ZRANB2: variants seen among roughly 807,000 people sequenced by gnomAD.
ZRANB2 encodes the protein zinc finger Ran-binding domain-containing protein 2.
Under a neutral mutation model 53.4 loss-of-function variants are expected in ZRANB2, and 19 were observed. That is an observed-to-expected ratio of 0.36 (90% CI 0.25 to 0.52). The LOEUF is 0.52. ZRANB2 is among the 20% of genes least tolerant of loss of function. The probability of loss-of-function intolerance (pLI) is 0.93; values close to 1 mark genes in which losing one functional copy is unlikely to be tolerated. For synonymous variants in ZRANB2, 145 were observed against 134.8 expected, an observed-to-expected ratio of 1.08 and a Z score of -0.52; for missense variants, 309 against 401.1, an observed-to-expected ratio of 0.77 and a Z score of 1.96.
chr1:71,075,660 A>C (rs970323472), intron 4 of ZRANB2, among the ~76,000 whole-genome samples: 1 of 152,080 alleles, frequency 6.6e-6, no homozygotes, highest in South Asian at 2.1e-4. Context: ...GACAGAATAA[A>C]CAATCAATCA....
intron 6 of ZRANB2, 47 bp downstream of exon 6, chr1:71,072,074 A>AT (rs1176859020): frequency 9.4e-6 from 15 of 1,587,910 alleles, no homozygotes; most frequent in Non-Finnish European, 1.3e-5. Context: ...ATGTTATGGT[A>AT]TAACTCCAAT....
rs758513530 is a variant in ZRANB2 at position 71,070,951 on chromosome 1, C to T, written c.559G>A (p.Ala187Thr). 6.2e-7 allele frequency: 1 copy of T among 1,608,844 alleles called. No individual in the cohort carries two copies. Among genetic ancestry groups the T allele is most frequent in the Non-Finnish European group, 8.5e-7 (1 of 1,177,848 alleles). The change falls in exon 7 of 10, where the codon GCC (alanine) becomes ACC (threonine). Residue 187 changes from alanine (A) to threonine (T), a missense_variant. Transcript: ENST00000370920. ...DADLSKYNLDASEEEDSNKKK... is the reference protein window; with the variant it reads ...DADLSKYNLDTSEEEDSNKKK... The stretch of plus-strand genomic sequence containing the variant: ...TTATTACTATCTTCTTCTTCACTGG[C>T]ATCAAGATTATATTTTGAGAGATCA...
At chr1:71,071,463 A>C (rs564106106) in intron 6 of ZRANB2, among the ~76,000 whole-genome samples, 1 of 152,266 alleles carries the variant, frequency 6.6e-6, no homozygotes, top group African/African-American at 2.4e-5. Flanking sequence ...TAAAAACTTC[A>C]AAACTGGCTT....
chr1:71,069,300 G>A lies in ZRANB2; in HGVS notation c.746C>T (p.Ser249Leu), dbSNP rs764972671. ...CCTTGATTTCGACCCACGAGATCTC[G>A]AACGTTCTCTGGAACTGGAACGAGA... ...SRSRSSSRER[S>L]RSRGSKSRSS... Residue 249 changes from serine to leucine, a missense_variant, in exon 8 of 10, where the codon TCG becomes TTG. Coordinates refer to ENST00000370920, the MANE Select transcript of ZRANB2 (RefSeq NM_203350.3). 30 of 1,612,058 alleles carry A rather than the reference G, an allele frequency of 1.9e-5. No individual in the cohort carries two copies. Among genetic ancestry groups the A allele is most frequent in the Non-Finnish European group, 2.3e-5 (27 of 1,178,986 alleles).
At chr1:71,070,062 T>C (rs541935165) in intron 7 of ZRANB2, among the ~76,000 whole-genome samples, 1 of 152,262 alleles carries the variant, frequency 6.6e-6, no homozygotes, top group African/African-American at 2.4e-5. Context: ...CTTTCAGGCT[T>C]TGTAGTGCTC....
chr1:71,080,819 G>T, intron 1 of ZRANB2, 121 bp downstream of exon 1: 1 of 1,153,096 alleles, frequency 8.7e-7, no homozygotes, highest in Non-Finnish European at 1.3e-6. Flanking sequence ...GGGAACTGGC[G>T]GTTCGCCGCC....
chr1:71,075,674 G>A (rs1020477749), intron 4 of ZRANB2, among the ~76,000 whole-genome samples: 3 of 151,964 alleles, frequency 2.0e-5, no homozygotes, highest in Admixed American at 6.6e-5. Context: ...TCAATCAAAC[G>A]GGGGTTGGTG....
chr1:71,070,751 A>T (rs562000785), intron 7 of ZRANB2, 76 bp downstream of exon 7: 325 of 965,850 alleles, frequency 3.4e-4, no homozygotes, highest in Middle Eastern at 2.5e-3. Context: ...TTTCGTCAAG[A>T]AAAACAAAAT....
chr1:71,073,952 A>G (rs978999705), intron 4 of ZRANB2, among the ~76,000 whole-genome samples: 3 of 152,142 alleles, frequency 2.0e-5, no homozygotes, highest in Non-Finnish European at 4.4e-5. Flanking sequence ...TACCTGAGAT[A>G]GTGGAATCAA....
Position 71,072,490 on chromosome 1 carries a change from A to C in ZRANB2, c.360T>G (p.Ser120=), listed in dbSNP as rs535513298. ...AGCTTACCTCATCATATTCACCATC[A>C]GATTCTTCTCTTTCTATATATTCAA... ...ENVEYIEREE[S]DGEYDEFGRK... The change falls in exon 5 of 10, where the codon TCT becomes TCG. Residue 120 remains serine, a synonymous_variant. Coordinates refer to ENST00000370920, the MANE Select transcript of ZRANB2 (RefSeq NM_203350.3). 2 of 1,606,104 alleles carry C rather than the reference A, an allele frequency of 1.2e-6. No homozygotes were observed. Among genetic ancestry groups the C allele is most frequent in the Admixed American group, 3.4e-5 (2 of 59,582 alleles).
At chr1:71,076,660 C>A in intron 4 of ZRANB2, 135 bp downstream of exon 4, 1 of 687,358 alleles carries the variant, frequency 1.5e-6, no homozygotes, top group East Asian at 2.9e-5. Flanking sequence ...GAAAAAAATC[C>A]CAGTAACAAA....
rs182754740 is a variant in ZRANB2, at chr1:71,080,714, G to A, written c.56+226C>T. On this transcript the variant is annotated intron_variant, in intron 1 of 9. Coordinates refer to ENST00000370920, the MANE Select transcript of ZRANB2 (RefSeq NM_203350.3). ...ACTCTAAAAAGAGAGGCTACCTTGC[G>A]GAGGTAATGTCGAGGAAACGCTGAA... 1.2e-4 allele frequency among the ~76,000 whole-genome samples: 19 copies of A among 152,202 alleles called. No individual in the cohort carries two copies. The East Asian group carries it at 3.5e-3, about 28-fold the overall frequency.
At chr1:71,068,792 TATTA>T (rs1251510306) in intron 8 of ZRANB2, among the ~76,000 whole-genome samples, 32 of 151,986 alleles carry the variant, frequency 2.1e-4, no homozygotes, top group African/African-American at 7.7e-4. Flanking sequence ...TTTGAACTAC[TATTA>T]ATTTTTTTTT....
At chr1:71,072,435 A>C in intron 5 of ZRANB2, 37 bp downstream of exon 5, 2 of 1,552,680 alleles carry the variant, frequency 1.3e-6, no homozygotes, top group Non-Finnish European at 1.7e-6. Context: ...CTGTTTTTCT[A>C]ATTTATATTC....
chr1:71,070,533 G>A (rs1557791620), intron 7 of ZRANB2, among the ~76,000 whole-genome samples: 1 of 151,972 alleles, frequency 6.6e-6, no homozygotes, highest in Non-Finnish European at 1.5e-5. Context: ...TATCTCTTTA[G>A]ATTAATTAAA....
intron 7 of ZRANB2, among the ~76,000 whole-genome samples, chr1:71,070,396 T>C (rs1661568161): frequency 6.6e-6 from 1 of 152,166 alleles, no homozygotes; most frequent in Admixed American, 6.5e-5. Context: ...AATACTGATA[T>C]CAAAGCAAAC....
At chr1:71,066,740 A>AGG (rs762676375) in intron 9 of ZRANB2, 36 bp downstream of exon 9, 1 of 1,603,376 alleles carries the variant, frequency 6.2e-7, no homozygotes, top group Non-Finnish European at 8.5e-7. Context: ...AAACACACTT[A>AGG]AGAACACCCA....
chr1:71,078,301 T>A (rs1205870705), intron 3 of ZRANB2, among the ~76,000 whole-genome samples, 156 bp downstream of exon 3: 2 of 152,196 alleles, frequency 1.3e-5, no homozygotes, highest in African/African-American at 4.8e-5. Context: ...AAAACTTCTT[T>A]ATACTATACT....
chr1:71,075,910 G>C (rs891832616), intron 4 of ZRANB2, among the ~76,000 whole-genome samples: 2 of 140,844 alleles, frequency 1.4e-5, no homozygotes, highest in Non-Finnish European at 3.1e-5. Context: ...AAAAAGGGGT[G>C]GGGGGGGATA....
Sources: gnomAD v4.1 joint callset for allele counts (sites outside exome capture counted in the v4.1 genomes callset) on GRCh38, gnomAD v4.1.1 for gene constraint, MANE v1.5 for transcripts, NCBI Gene and HGNC (gene_info 2026-07-23, HGNC 2026-07-21) for gene names.